Variants in MYO3A observed in about 807,000 individuals in gnomAD.
The protein encoded by MYO3A is myosin-IIIa.
A neutral mutation model predicts 192.7 loss-of-function variants in MYO3A; 180 were observed. That is an observed-to-expected ratio of 0.93 (90% CI 0.83 to 1.06). The LOEUF (loss-of-function observed/expected upper bound fraction) is 1.06. Ranked by LOEUF, MYO3A falls within the 50% of genes least tolerant of loss-of-function variation. MYO3A has a pLI of 0.00. For missense variants in MYO3A, 1,896 were observed against 1,905.0 expected (o/e 1.00, Z 0.09); for synonymous variants, 628 against 645.3 (o/e 0.97, Z 0.41).
chr10:26,068,650 C>T, intron 11 of MYO3A, 118 bp from the exon 12 acceptor site: 1 of 635,596 alleles, frequency 1.6e-6, no homozygotes, highest in Non-Finnish European at 2.8e-6. Context: ...ATCAGTGTGT[C>T]TGTTTTTCTA....
At chr10:25,982,181 G>A (rs947059764) in intron 4 of MYO3A, among the ~76,000 whole-genome samples, 1 of 152,070 alleles carries the variant, frequency 6.6e-6, no homozygotes, top group Admixed American at 6.6e-5. Flanking sequence ...ATCTCCCTGG[G>A]AATATAACTC....
chr10:26,116,095 A>C (rs534808468), intron 17 of MYO3A, among the ~76,000 whole-genome samples: 2 of 151,492 alleles, frequency 1.3e-5, no homozygotes, highest in African/African-American at 4.8e-5. Context: ...TAAATTTAAC[A>C]AAAAAAAAGC....
At position 26,068,748 on chromosome 10, in the gene MYO3A, A is replaced by G. The variant is rs1835011967; in HGVS notation, c.1054-20A>G. 1 of 1,458,154 alleles carries G rather than the reference A, an allele frequency of 6.9e-7. No individual in the cohort carries two copies. Among genetic ancestry groups the G allele is most frequent in the Non-Finnish European group, 9.6e-7 (1 of 1,042,146 alleles). 90.3% of individuals were successfully genotyped at this position (1,458,154 alleles called of 1,614,324 possible). A position where few individuals can be genotyped will look rare whatever the true frequency, so the allele number is the denominator to read the frequency against. The stretch of plus-strand genomic sequence containing the variant: ...CACAAATAATTTTTAAGAAGGAGAA[A>G]TTATTTTATTTTATTGCAGAATACA... On this transcript the variant is annotated intron_variant, in intron 11 of 34. Transcript: ENST00000642920.
At chr10:26,077,233 G>GTT (rs34464120) in intron 14 of MYO3A, among the ~76,000 whole-genome samples, 1,054 of 36,168 alleles carry the variant, frequency 0.029, 83 homozygotes, top group African/African-American at 0.074. Context: ...TATTCCTAAG[G>GTT]TTTTTTTTTT....
In MYO3A at chr10:26,157,468, A is replaced by G. The variant is rs1841209572; in HGVS notation, c.2952A>G (p.Arg984=). ...GAATTCTGGAAACAGCAAGAATTCG[A>G]AGACTAGGATTCTCCCATCGGATAC... ...YTGILETARI[R]RLGFSHRILF... is the part of the protein sequence containing the mutation. The change falls in exon 26 of 35, where the codon CGA becomes CGG. Residue 984 remains arginine (R), a synonymous_variant. Transcript: ENST00000642920. 4.3e-6 allele frequency: 7 copies of G among 1,614,070 alleles called. No homozygotes were observed. The highest frequency in any genetic ancestry group is 5.9e-6 in the Non-Finnish European group (7 of 1,180,024).
chr10:26,084,487 A>AT (rs1836178435), intron 14 of MYO3A, among the ~76,000 whole-genome samples: 2 of 151,808 alleles, frequency 1.3e-5, no homozygotes, highest in Admixed American at 6.6e-5. Context: ...CTCTAGCTCT[A>AT]TTTTTTTAAT....
At chr10:25,998,647 C>G (rs1339143325) in intron 6 of MYO3A, among the ~76,000 whole-genome samples, 3 of 152,090 alleles carry the variant, frequency 2.0e-5, no homozygotes, top group Non-Finnish European at 2.9e-5. Context: ...AAGACAGACT[C>G]AAATGGAGAA....
At position 26,179,089 on chromosome 10, in the gene MYO3A, AT is replaced by A. The variant is rs59025321; in HGVS notation, c.4438+2270del. Among the ~76,000 whole-genome samples the A allele has an allele frequency of 6.5e-3, 432 of 66,092 alleles. 1 individual carries two copies. The highest frequency in any genetic ancestry group is 0.021 in the African/African-American group (306 of 14,420). The allele number at this position is 66,092 out of a possible 152,430, so 43.4% of individuals were successfully genotyped here. ...CTGGGATTACACCGTGCCCAGCCTAATTTTTTTTTTTTTTTTTTTTTTTTTT... is the reference window on the plus strand; with the variant it reads ...CTGGGATTACACCGTGCCCAGCCTAATTTTTTTTTTTTTTTTTTTTTTTTT... On this transcript the variant is annotated intron_variant, in intron 31 of 34. Coordinates refer to ENST00000642920, the MANE Select transcript of MYO3A (RefSeq NM_017433.5).
chr10:26,171,515 C>T (rs1842045812), intron 29 of MYO3A, among the ~76,000 whole-genome samples: 1 of 152,216 alleles, frequency 6.6e-6, no homozygotes, highest in African/African-American at 2.4e-5. Flanking sequence ...TTCCCTGAAT[C>T]CCTCAGGCCA....
In MYO3A at chr10:25,996,484, G is replaced by T; in HGVS notation, c.304-6G>T. The T allele has an allele frequency of 6.2e-7, 1 of 1,611,702 alleles. No individual in the cohort carries two copies. Among genetic ancestry groups the T allele is most frequent in the Non-Finnish European group, 8.5e-7 (1 of 1,177,962 alleles). On this transcript the variant is annotated splice_region_variant and splice_polypyrimidine_tract_variant and intron_variant, in intron 4 of 34. Transcript: ENST00000642920. ...TTAATAGCCATCTTAAAATATTCTTGTTTAGCTCTGCAGTGGAGGATCAGT... is the reference window on the plus strand; with the variant it reads ...TTAATAGCCATCTTAAAATATTCTTTTTTAGCTCTGCAGTGGAGGATCAGT...
At chr10:25,970,580 A>T (rs952202609) in intron 4 of MYO3A, among the ~76,000 whole-genome samples, 2 of 151,290 alleles carry the variant, frequency 1.3e-5, no homozygotes, top group African/African-American at 4.8e-5. Context: ...TGAAAGAAGT[A>T]ATAAAGATAA....
At chr10:26,137,908 T>C (rs1438349275) in intron 20 of MYO3A, among the ~76,000 whole-genome samples, 1 of 152,168 alleles carries the variant, frequency 6.6e-6, no homozygotes, top group Non-Finnish European at 1.5e-5. Context: ...TCTCAAACCC[T>C]GTTTTCTGTT....
intron 4 of MYO3A, among the ~76,000 whole-genome samples, chr10:25,976,572 A>G (rs1291244653): frequency 2.0e-5 from 3 of 152,158 alleles, no homozygotes; most frequent in Non-Finnish European, 4.4e-5. Flanking sequence ...AGTTAGCTGC[A>G]ATGATCTGTT....
intron 4 of MYO3A, among the ~76,000 whole-genome samples, chr10:25,995,698 T>TAA (rs1840383415): frequency 6.6e-6 from 1 of 152,260 alleles, no homozygotes; most frequent in Non-Finnish European, 1.5e-5. Context: ...ATGTCCTTTC[T>TAA]GTTTGTTAGT....
At chr10:26,065,430 A>T (rs1280754486) in intron 10 of MYO3A, among the ~76,000 whole-genome samples, 1 of 151,782 alleles carries the variant, frequency 6.6e-6, no homozygotes, top group African/African-American at 2.4e-5. Context: ...TTAAAAATGC[A>T]AAAAAATTAG....
intron 32 of MYO3A, among the ~76,000 whole-genome samples, chr10:26,197,953 C>T (rs899098995): frequency 6.6e-6 from 1 of 152,206 alleles, no homozygotes; most frequent in African/African-American, 2.4e-5. Context: ...GGAGGCGAGG[C>T]CTATGCTCGC....
intron 10 of MYO3A, among the ~76,000 whole-genome samples, chr10:26,032,869 A>G (rs1403778446): frequency 1.3e-5 from 2 of 152,184 alleles, no homozygotes; most frequent in Non-Finnish European, 2.9e-5. Context: ...GGCTGTGACT[A>G]TGTCATGTTG....
intron 4 of MYO3A, among the ~76,000 whole-genome samples, chr10:25,958,676 T>C (rs1013726688): frequency 6.6e-6 from 1 of 152,202 alleles, no homozygotes; most frequent in African/African-American, 2.4e-5. Context: ...ATAAATTGCT[T>C]TGGGGAAGTA....
chr10:25,935,675 C>G (rs1232436986), intron 1 of MYO3A, 69 bp from the exon 2 acceptor site: 1 of 152,188 alleles, frequency 6.6e-6, no homozygotes, highest in Non-Finnish European at 1.5e-5. Context: ...AGTTCAACTT[C>G]TGATTATTTT....
Sources: allele counts gnomAD v4.1 joint callset (sites outside exome capture counted in the v4.1 genomes callset), GRCh38; gene constraint gnomAD v4.1.1; transcripts MANE v1.5; gene names NCBI Gene and HGNC (gene_info 2026-07-23, HGNC 2026-07-21).